Variants in NUP155 observed in about 807,000 individuals in gnomAD.
The protein encoded by NUP155 is nucleoporin 155, also known as nuclear pore complex protein Nup155.
NUP155 carries 71 observed loss-of-function variants against 180.4 expected under a neutral mutation model. That is an observed-to-expected ratio of 0.39 (90% CI 0.33 to 0.48). NUP155 has a LOEUF of 0.48. Ranked by LOEUF, NUP155 falls within the 20% of genes least tolerant of loss-of-function variation. The pLI, the probability that NUP155 is intolerant of heterozygous loss-of-function variation, is 0.91. For synonymous variants in NUP155, 582 were observed against 559.5 expected, an observed-to-expected ratio of 1.04 and a Z score of -0.57; for missense variants, 1,553 against 1,648.9, an observed-to-expected ratio of 0.94 and a Z score of 1.01.
At chr5:37,317,688 C>CTTTTT (rs374997987) in intron 21 of NUP155, among the ~76,000 whole-genome samples, 1 of 131,310 alleles carries the variant, frequency 7.6e-6, no homozygotes, top group Non-Finnish European at 1.6e-5. Context: ...CCCAATCACA[C>CTTTTT]TTTTTTTTTT....
intron 1 of NUP155, among the ~76,000 whole-genome samples, chr5:37,365,596 T>C (rs1230905946): frequency 1.3e-5 from 2 of 149,612 alleles, no homozygotes; most frequent in Admixed American, 1.3e-4. Flanking sequence ...TAATCCCAGC[T>C]ACTTGGGAGG....
At chr5:37,345,072 GC>G (rs145929296) in intron 9 of NUP155, among the ~76,000 whole-genome samples, 8,222 of 151,342 alleles carry the variant, frequency 0.054, 714 homozygotes, top group African/African-American at 0.18. Context: ...GGTCCCAGCT[GC>G]TTGGGAGGCT....
At chr5:37,336,672 T>C (rs1456521306) in intron 12 of NUP155, among the ~76,000 whole-genome samples, 4 of 152,124 alleles carry the variant, frequency 2.6e-5, no homozygotes, top group South Asian at 2.1e-4. Flanking sequence ...TGAATCCTCA[T>C]AGTTTATCAC....
rs1742719041 is a variant in NUP155, at chr5:37,298,870, A to G, written c.3791T>C (p.Leu1264Ser). Reference sequence around the variant, plus strand: ...CTGCACCTAAGATCACAGCTTACCTAAAGGAAAGAAGCGTGGTGTGCCAGC... The same window carrying G: ...CTGCACCTAAGATCACAGCTTACCTGAAGGAAAGAAGCGTGGTGTGCCAGC... The part of the protein sequence containing the change: ...IYAGTPRFFP[L>S]DFIVQFLEQQ... The change falls in exon 32 of 35, where the codon TTA becomes TCA. Residue 1264 changes from leucine to serine, a missense_variant and splice_region_variant. Leu to Ser is a moderately radical substitution (Grantham distance 145). Transcript: ENST00000231498. 3 of 1,560,194 alleles carry G rather than the reference A, an allele frequency of 1.9e-6. No homozygotes were observed. The South Asian group carries it at 3.3e-5, about 17-fold the overall frequency.
chr5:37,350,776 C>T (rs1304014768), intron 6 of NUP155, among the ~76,000 whole-genome samples: 1 of 146,938 alleles, frequency 6.8e-6, no homozygotes, highest in Non-Finnish European at 1.5e-5. Flanking sequence ...GCATTCCAGC[C>T]TGGGTGATAG....
At position 37,322,533 on chromosome 5, in the gene NUP155, C is replaced by T. The variant is rs1412663964; in HGVS notation, c.2207+1459G>A. On this transcript the variant is annotated intron_variant, in intron 20 of 34. Transcript: ENST00000231498. The stretch of plus-strand genomic sequence containing the variant: ...CCATCCTGGCTAACACGGTGAAACC[C>T]AGTCTCTACTAAAAATACAAAGAAT... Among the ~76,000 whole-genome samples, 6 of 151,942 alleles carry T rather than the reference C, an allele frequency of 3.9e-5. No homozygotes were observed. In the East Asian group the frequency reaches 1.2e-3, roughly 30 times the overall value.
In NUP155 at chr5:37,341,114, C is replaced by T; in HGVS notation, c.1222G>A (p.Val408Ile). The T allele has an allele frequency of 1.9e-6, 3 of 1,613,438 alleles. No homozygotes were observed. The highest frequency in any genetic ancestry group is 2.5e-6 in the Non-Finnish European group (3 of 1,179,402). Reference sequence around the variant, plus strand: ...CCTTTACTATAAAGAGCTCTATGTACTTTTGAAGGCTTTTCCACGGTTGAA... The same window carrying T: ...CCTTTACTATAAAGAGCTCTATGTATTTTTGAAGGCTTTTCCACGGTTGAA... ...ASSTVEKPSK[V>I]HRALYSKGIL... Residue 408 changes from valine to isoleucine, a missense_variant, in exon 11 of 35, where the codon GTA becomes ATA. By Grantham distance (29) the Val-to-Ile change is conservative. Transcript: ENST00000231498.
chr5:37,296,205 G>A (rs1742558218), intron 32 of NUP155, among the ~76,000 whole-genome samples: 1 of 152,348 alleles, frequency 6.6e-6, no homozygotes, highest in East Asian at 1.9e-4. Flanking sequence ...AACGGGCCAT[G>A]ATGACAATGG....
chr5:37,345,767 A>G (rs1173667916), intron 9 of NUP155, among the ~76,000 whole-genome samples: 1 of 151,846 alleles, frequency 6.6e-6, no homozygotes, highest in African/African-American at 2.4e-5. Flanking sequence ...AGCCAGGCAC[A>G]GTGGTGCGCG....
rs550431309 is a variant in NUP155, at chr5:37,338,106, G to T, written c.1247-188C>A. Among the ~76,000 whole-genome samples, 9 of 151,966 alleles carry T rather than the reference G, an allele frequency of 5.9e-5. No homozygotes were observed. In the South Asian group the frequency reaches 1.0e-3, roughly 18 times the overall value. ...GAGGATGAGGTGGGTGGATCACGAGGTCAGGAGTCCAAGACCAGCCTAATC... is the reference window on the plus strand; with the variant it reads ...GAGGATGAGGTGGGTGGATCACGAGTTCAGGAGTCCAAGACCAGCCTAATC... On this transcript the variant is annotated intron_variant, in intron 11 of 34. Coordinates refer to ENST00000231498, the MANE Select transcript of NUP155 (RefSeq NM_153485.3).
intron 1 of NUP155, among the ~76,000 whole-genome samples, chr5:37,369,869 A>T (rs1017959528): frequency 6.6e-6 from 1 of 152,198 alleles, no homozygotes; most frequent in Non-Finnish European, 1.5e-5. Flanking sequence ...TTTTCTAGCA[A>T]CTGATGTAAT....
At chr5:37,325,312 A>C (rs1402662663) in intron 19 of NUP155, among the ~76,000 whole-genome samples, 1 of 152,200 alleles carries the variant, frequency 6.6e-6, no homozygotes, top group East Asian at 1.9e-4. Flanking sequence ...CCCTCATGAC[A>C]ACCTTATGAG....
intron 4 of NUP155, among the ~76,000 whole-genome samples, chr5:37,357,384 A>G (rs1342442259): frequency 1.5e-5 from 2 of 134,546 alleles, no homozygotes; most frequent in East Asian, 2.5e-4. Flanking sequence ...GTGATAGAGT[A>G]TAAGACCTTA....
intron 3 of NUP155, among the ~76,000 whole-genome samples, chr5:37,359,388 G>T (rs1747053923): frequency 6.6e-6 from 1 of 151,920 alleles, no homozygotes; most frequent in Non-Finnish European, 1.5e-5. Flanking sequence ...TCTACTGCTG[G>T]GGCAGGGATA....
chr5:37,306,328 A>G (rs77332130), intron 25 of NUP155, among the ~76,000 whole-genome samples: 7,070 of 152,212 alleles, frequency 0.046, 566 homozygotes, highest in African/African-American at 0.16. Flanking sequence ...GGATCACTTG[A>G]GCCCAAAAGG....
chr5:37,342,632 G>C lies in NUP155; in HGVS notation c.1010C>G (p.Ser337Cys). ...TATTTGGACAATTGGTTTAAAAACA[G>C]AACGATCGATGGTCCTAAAAGAAAG... ...AGNIARTIDR[S>C]VFKPIVQIAV... The change falls in exon 10 of 35, where the codon TCT (serine) becomes TGT (cysteine). Residue 337 changes from serine (S) to cysteine (C), a missense_variant. Physicochemically the swap from Ser to Cys is moderately radical, Grantham distance 112. Transcript: ENST00000231498. 1.9e-6 allele frequency: 3 copies of C among 1,607,418 alleles called. No individual in the cohort carries two copies. The highest frequency in any genetic ancestry group is 2.6e-6 in the Non-Finnish European group (3 of 1,174,034).
chr5:37,333,996 T>C (rs890868547), intron 12 of NUP155, among the ~76,000 whole-genome samples: 1 of 151,926 alleles, frequency 6.6e-6, no homozygotes, highest in African/African-American at 2.4e-5. Context: ...GGACGGGGTT[T>C]CTCCATGTTG....
At chr5:37,299,950 T>G (rs1254533851) in intron 30 of NUP155, among the ~76,000 whole-genome samples, 5 of 145,926 alleles carry the variant, frequency 3.4e-5, no homozygotes, top group African/African-American at 1.3e-4. Flanking sequence ...CTGAGGAAGG[T>G]GGAGGTTGCA....
chr5:37,361,589 C>T (rs1040999835), intron 3 of NUP155, among the ~76,000 whole-genome samples: 1 of 152,128 alleles, frequency 6.6e-6, no homozygotes, highest in South Asian at 2.1e-4. Context: ...CTTGGAACTA[C>T]GATCCAATGC....
Sources: gnomAD v4.1 joint callset for allele counts (sites outside exome capture counted in the v4.1 genomes callset) on GRCh38, gnomAD v4.1.1 for gene constraint, MANE v1.5 for transcripts, NCBI Gene and HGNC (gene_info 2026-07-23, HGNC 2026-07-21) for gene names.